Variants in BSCL2 observed in about 807,000 individuals in gnomAD.
BSCL2 encodes BSCL2 lipid droplet biogenesis associated, seipin.
In BSCL2, 41 loss-of-function variants were observed where a neutral mutation model predicts 57.4. The ratio of observed to expected loss-of-function variants is 0.71; its 90% CI spans 0.56 to 0.93. The LOEUF (loss-of-function observed/expected upper bound fraction) is 0.93, where lower values mean the gene tolerates loss of function less well. Ranked by LOEUF, BSCL2 falls within the 40% of genes least tolerant of loss-of-function variation. BSCL2 has a pLI of 0.00. For synonymous variants in BSCL2, 237 were observed against 227.3 expected (o/e 1.04, Z -0.38); for missense variants, 539 against 586.7 (o/e 0.92, Z 0.84).
intron 4 of BSCL2, among the ~76,000 whole-genome samples, chr11:62,694,195 C>CTTTTTTT (rs71056545): frequency 4.2e-5 from 2 of 47,134 alleles, no homozygotes; most frequent in East Asian, 8.5e-4. Context: ...CCCAGACATT[C>CTTTTTTT]TTTTTTTTTT....
chr11:62,703,677 G>A (rs1008342699), intron 2 of BSCL2, among the ~76,000 whole-genome samples: 6 of 151,862 alleles, frequency 4.0e-5, no homozygotes, highest in Non-Finnish European at 8.8e-5. Context: ...GGCAGGAAGG[G>A]CCATAAGATC....
chr11:62,695,274 C>A (rs146666744), intron 3 of BSCL2, among the ~76,000 whole-genome samples: 1,996 of 152,230 alleles, frequency 0.013, 43 homozygotes, highest in African/African-American at 0.046. Flanking sequence ...CAAACATGCC[C>A]TAGTTTTTCC....
intron 3 of BSCL2, among the ~76,000 whole-genome samples, chr11:62,701,682 A>G (rs1284692242): frequency 1.3e-5 from 2 of 152,008 alleles, no homozygotes; most frequent in African/African-American, 2.4e-5. Flanking sequence ...ATACAAAAAA[A>G]TTAGCTGGGT....
upstream of BSCL2, chr11:62,708,143 G>T: frequency 1.5e-6 from 1 of 668,574 alleles, no homozygotes; most frequent in South Asian, 1.7e-5. Flanking sequence ...AGGAATACAG[G>T]GATGAGACAG....
intron 1 of BSCL2, chr11:62,706,738 A>C (rs958838199): frequency 3.9e-6 from 2 of 509,940 alleles, no homozygotes; most frequent in South Asian, 1.5e-5. Flanking sequence ...CGCCTAGAGC[A>C]TGTTGCAGTT....
At chr11:62,703,865 A>G (rs1171733210) in intron 2 of BSCL2, among the ~76,000 whole-genome samples, 4 of 150,804 alleles carry the variant, frequency 2.7e-5, no homozygotes, top group Admixed American at 2.7e-4. Flanking sequence ...CATGCTTGTA[A>G]TCCCAGCACT....
At chr11:62,706,823 C>A (rs1215635018) in intron 1 of BSCL2, 9 of 587,326 alleles carry the variant, frequency 1.5e-5, no homozygotes, top group Non-Finnish European at 1.6e-5. Context: ...GCATTGTGGA[C>A]CTCCTCTGAC....
chr11:62,706,046 G>A, intron 1 of BSCL2: 1 of 262,720 alleles, frequency 3.8e-6, no homozygotes, highest in East Asian at 1.6e-4. Context: ...CCTTAGAGTA[G>A]CCACAATTGC....
chr11:62,706,446 C>G (rs189232519), intron 1 of BSCL2: 50 of 426,870 alleles, frequency 1.2e-4, no homozygotes, highest in African/African-American at 9.8e-4. Flanking sequence ...TGTCTCCTTG[C>G]GCTCGCCACT....
intron 4 of BSCL2, among the ~76,000 whole-genome samples, chr11:62,693,460 C>T (rs1171462649): frequency 9.2e-5 from 14 of 152,040 alleles, no homozygotes; most frequent in African/African-American, 2.7e-4. Context: ...GCCGAGATCA[C>T]GCCACTGCAC....
chr11:62,691,479 CT>C, intron 6 of BSCL2, 58 bp from the exon 7 acceptor site: 1 of 1,587,586 alleles, frequency 6.3e-7, no homozygotes, highest in South Asian at 1.1e-5. Context: ...CACCAGCCTT[CT>C]CATGTCCCAG....
intron 4 of BSCL2, among the ~76,000 whole-genome samples, chr11:62,694,354 C>A (rs1342398839): frequency 2.0e-5 from 3 of 151,764 alleles, no homozygotes; most frequent in East Asian, 3.9e-4. Flanking sequence ...CAGCCGTGAG[C>A]CACCATGCCC....
chr11:62,703,128 C>T (rs753229343), intron 2 of BSCL2, among the ~76,000 whole-genome samples: 2 of 142,676 alleles, frequency 1.4e-5, no homozygotes, highest in Non-Finnish European at 3.0e-5. Flanking sequence ...CCAGCCTGGG[C>T]AACAAGGGTG....
At chr11:62,704,174 C>T (rs1029231551) in intron 2 of BSCL2, among the ~76,000 whole-genome samples, 3 of 150,480 alleles carry the variant, frequency 2.0e-5, no homozygotes, top group Admixed American at 2.0e-4. Context: ...TGGTGGGGCA[C>T]AGTGGCTCAC....
intron 1 of BSCL2, 72 bp downstream of exon 1, chr11:62,707,037 C>T (rs1166213103): frequency 3.0e-6 from 4 of 1,320,176 alleles, no homozygotes; most frequent in Non-Finnish European, 4.3e-6. Flanking sequence ...CCAATCCATC[C>T]CCCCGCCCCC....
At chr11:62,702,584 T>C in intron 2 of BSCL2, 35 bp from the exon 3 acceptor site, 1 of 1,561,950 alleles carries the variant, frequency 6.4e-7, no homozygotes, top group Non-Finnish European at 8.8e-7. Context: ...TCTGCTAAGT[T>C]AGTCTTACTA....
rs182193493 is a variant in BSCL2 at position 62,705,212 on chromosome 11, T to G, written c.404+89A>C. ...GCACACCTGGCTCCAGTTTTCCTTA[T>G]CTGTAAATGAGGGGATTGAACTGAA... On this transcript the variant is annotated intron_variant, in intron 2 of 10. Coordinates refer to ENST00000360796, the MANE Select transcript of BSCL2 (RefSeq NM_001122955.4). The G allele has an allele frequency of 6.6e-6, 9 of 1,370,074 alleles. No individual in the cohort carries two copies. In the Admixed American group the frequency reaches 1.6e-4, roughly 24 times the overall value. The allele number at this position is 1,370,074 out of a possible 1,614,324, so 84.9% of individuals were successfully genotyped here.
At chr11:62,692,096 T>C (rs1945327912) in intron 6 of BSCL2, among the ~76,000 whole-genome samples, 1 of 150,374 alleles carries the variant, frequency 6.7e-6, no homozygotes, top group Non-Finnish European at 1.5e-5. Flanking sequence ...GTGGAGCCCT[T>C]AGCCCTGGAT....
chr11:62,691,158 ACTG>A lies in BSCL2; in HGVS notation c.1006-20_1006-18del. 3 of 1,614,172 alleles carry A rather than the reference ACTG, an allele frequency of 1.9e-6. No homozygotes were observed. Among genetic ancestry groups the A allele is most frequent in the Non-Finnish European group, 2.5e-6 (3 of 1,180,018 alleles). ...GATGTTAACCTGTGGAGGAAAAACT[ACTG>A]AGCAGCCAGGACTGACTTCCCTCAC... On this transcript the variant is annotated intron_variant, in intron 7 of 10. Coordinates refer to ENST00000360796, the MANE Select transcript of BSCL2 (RefSeq NM_001122955.4).
Sources: allele counts gnomAD v4.1 joint callset (sites outside exome capture counted in the v4.1 genomes callset), GRCh38; gene constraint gnomAD v4.1.1; transcripts MANE v1.5; gene names NCBI Gene and HGNC (gene_info 2026-07-23, HGNC 2026-07-21).